Variants in RPS6KA3 observed in about 807,000 individuals in gnomAD.
RPS6KA3 encodes ribosomal protein S6 kinase alpha-3.
In RPS6KA3, 4 loss-of-function variants were observed where a neutral mutation model predicts 67.2. The ratio of observed to expected loss-of-function variants is 0.06; its 90% CI spans 0.03 to 0.14. The LOEUF is 0.14. Ranked by LOEUF, RPS6KA3 falls within the 10% of genes least tolerant of loss-of-function variation. The pLI, the probability that RPS6KA3 is intolerant of heterozygous loss-of-function variation, is 1.00. For synonymous variants in RPS6KA3, 182 were observed against 183.7 expected, an observed-to-expected ratio of 0.99 and a Z score of 0.07; for missense variants, 204 against 559.0, an observed-to-expected ratio of 0.36 and a Z score of 6.40.
intron 20 of RPS6KA3, among the ~76,000 whole-genome samples, chrX:20,161,246 A>G (rs2067298347): frequency 8.9e-6 from 1 of 112,153 alleles, no homozygotes; most frequent in Non-Finnish European, 1.9e-5. Flanking sequence ...TATGTAACAT[A>G]GACAAGTTCA....
upstream of RPS6KA3, chrX:20,267,013 C>T (rs2070417795): frequency 1.3e-6 from 1 of 754,184 alleles, no homozygotes; most frequent in Non-Finnish European, 1.6e-6. Flanking sequence ...CCCACTTCCG[C>T]TCACAACATG....
At chrX:20,161,202 T>A (rs888503096) in intron 20 of RPS6KA3, among the ~76,000 whole-genome samples, 1 of 112,197 alleles carries the variant, frequency 8.9e-6, no homozygotes, top group Admixed American at 9.5e-5. Flanking sequence ...GGCTGTGGAA[T>A]CATATTTAGT....
intron 1 of RPS6KA3, among the ~76,000 whole-genome samples, chrX:20,249,876 A>G (rs913507117): frequency 1.8e-5 from 2 of 112,298 alleles, no homozygotes; most frequent in African/African-American, 3.2e-5. Flanking sequence ...CTAAATTCTA[A>G]AAGTTTTCTA....
chrX:20,178,935 A>G (rs973013561), intron 10 of RPS6KA3, among the ~76,000 whole-genome samples: 3 of 110,655 alleles, frequency 2.7e-5, no homozygotes, highest in Middle Eastern at 4.6e-3. Context: ...CTTATTTTCA[A>G]GAAGGTAACT....
chrX:20,170,074 A>G (rs983842614), intron 15 of RPS6KA3, among the ~76,000 whole-genome samples: 6 of 112,326 alleles, frequency 5.3e-5, no homozygotes, highest in African/African-American at 1.9e-4. Flanking sequence ...CATACCTAGC[A>G]TTTTATTTGG....
chrX:20,216,922 A>G (rs1241687518), intron 2 of RPS6KA3, among the ~76,000 whole-genome samples: 4 of 112,234 alleles, frequency 3.6e-5, no homozygotes, highest in African/African-American at 1.3e-4. Context: ...TTGGAAGGCC[A>G]TTCAAATTAT....
intron 2 of RPS6KA3, among the ~76,000 whole-genome samples, chrX:20,231,925 A>C (rs1235751438): frequency 9.0e-6 from 1 of 111,631 alleles, no homozygotes; most frequent in Non-Finnish European, 1.9e-5. Context: ...GTTTTAAACC[A>C]CCCAGTTTGT....
intron 4 of RPS6KA3, among the ~76,000 whole-genome samples, chrX:20,201,302 A>T (rs1362569756): frequency 9.1e-6 from 1 of 109,994 alleles, no homozygotes; most frequent in African/African-American, 3.3e-5. Context: ...CAACCATCTG[A>T]TTTTATTTTT....
At chrX:20,248,767 C>T (rs749009383) in intron 1 of RPS6KA3, among the ~76,000 whole-genome samples, 15 of 112,222 alleles carry the variant, frequency 1.3e-4, no homozygotes, top group African/African-American at 4.9e-4. Context: ...CCTACTTCAC[C>T]CCAGTGGTAA....
intron 2 of RPS6KA3, among the ~76,000 whole-genome samples, chrX:20,223,983 T>C (rs1047837274): frequency 2.7e-5 from 3 of 111,907 alleles, no homozygotes; most frequent in African/African-American, 9.7e-5. Flanking sequence ...TGAGTTCTCT[T>C]ATTTATTAAT....
chrX:20,183,682 G>C (rs1339158841), intron 10 of RPS6KA3, among the ~76,000 whole-genome samples: 1 of 111,845 alleles, frequency 8.9e-6, no homozygotes, highest in Admixed American at 9.5e-5. Flanking sequence ...TTAATACCTG[G>C]TAAAGCAAGT....
At chrX:20,181,844 G>C (rs1256138397) in intron 10 of RPS6KA3, among the ~76,000 whole-genome samples, 1 of 111,453 alleles carries the variant, frequency 9.0e-6, no homozygotes, top group African/African-American at 3.3e-5. Flanking sequence ...AGAAAGCATA[G>C]ACTACTTTTT....
chrX:20,186,410 A>G, intron 9 of RPS6KA3, 44 bp from the exon 10 acceptor site: 1 of 840,923 alleles, frequency 1.2e-6, no homozygotes, highest in Non-Finnish European at 1.8e-6. Flanking sequence ...CAATAAATAT[A>G]AAATCTGAAG....
intron 1 of RPS6KA3, among the ~76,000 whole-genome samples, chrX:20,256,732 G>A (rs1452752775): frequency 8.9e-6 from 1 of 111,858 alleles, no homozygotes; most frequent in Non-Finnish European, 1.9e-5. Context: ...GACTACTTAA[G>A]CACTGTCTCT....
chrX:20,229,747 T>C (rs762020043), intron 2 of RPS6KA3, among the ~76,000 whole-genome samples: 1 of 112,313 alleles, frequency 8.9e-6, no homozygotes, highest in Admixed American at 9.4e-5. Context: ...TTAATATCAT[T>C]AAATAAATAT....
At chrX:20,250,871 T>C (rs188748396) in intron 1 of RPS6KA3, among the ~76,000 whole-genome samples, 4 of 112,305 alleles carry the variant, frequency 3.6e-5, no homozygotes, top group Admixed American at 2.8e-4. Flanking sequence ...ACTGGCCTCA[T>C]AAAATGAGTT....
intron 1 of RPS6KA3, among the ~76,000 whole-genome samples, chrX:20,257,739 T>C (rs1375508713): frequency 8.9e-6 from 1 of 112,412 alleles, no homozygotes; most frequent in Non-Finnish European, 1.9e-5. Context: ...AAGATAATTG[T>C]ATATTTTTCT....
chrX:20,249,973 T>C (rs2069818050), intron 1 of RPS6KA3, among the ~76,000 whole-genome samples: 1 of 112,129 alleles, frequency 8.9e-6, no homozygotes, highest in Admixed American at 9.4e-5. Context: ...TACCTATAGG[T>C]GTGCAATAGC....
chrX:20,244,603 T>C (rs1295281825), intron 1 of RPS6KA3, among the ~76,000 whole-genome samples: 2 of 112,230 alleles, frequency 1.8e-5, no homozygotes, highest in African/African-American at 3.2e-5. Flanking sequence ...TAATAACTTG[T>C]ACAAGATCAT....
Sources: allele counts gnomAD v4.1 joint callset (sites outside exome capture counted in the v4.1 genomes callset), GRCh38; gene constraint gnomAD v4.1.1; transcripts MANE v1.5; gene names NCBI Gene and HGNC (gene_info 2026-07-23, HGNC 2026-07-21).